Variants in UNC13C observed in about 807,000 individuals in gnomAD.
The protein encoded by UNC13C is unc-13 homolog C.
In UNC13C, 174 loss-of-function variants were observed where a neutral mutation model predicts 245.4. That is an observed-to-expected ratio of 0.71 (90% CI 0.63 to 0.80). The LOEUF (loss-of-function observed/expected upper bound fraction) is 0.80, where lower values mean the gene tolerates loss of function less well. UNC13C is among the 30% of genes least tolerant of loss of function. The probability of loss-of-function intolerance (pLI) is 0.00; values close to 1 mark genes in which losing one functional copy is unlikely to be tolerated. For synonymous variants in UNC13C, 992 were observed against 895.1 expected (o/e 1.11, Z -1.93); for missense variants, 2,829 against 2,602.9 (o/e 1.09, Z -1.89).
intron 13 of UNC13C, among the ~76,000 whole-genome samples, chr15:54,314,660 G>A (rs1373273701): frequency 6.6e-6 from 1 of 151,536 alleles, no homozygotes; most frequent in Non-Finnish European, 1.5e-5. Context: ...CAGAAACATT[G>A]GCAAAACAAA....
chr15:54,614,275 T>C (rs1900287297), intron 30 of UNC13C, among the ~76,000 whole-genome samples: 2 of 152,020 alleles, frequency 1.3e-5, no homozygotes, highest in African/African-American at 2.4e-5. Context: ...TCGTTGCTAA[T>C]ACCCACATCC....
chr15:53,996,349 G>A (rs1004563613), intron 1 of UNC13C, among the ~76,000 whole-genome samples: 8 of 152,074 alleles, frequency 5.3e-5, no homozygotes, highest in African/African-American at 1.9e-4. Context: ...AAGAGGTGAG[G>A]CCTGGTCTTT....
chr15:54,169,070 C>G (rs2033289058), intron 4 of UNC13C, among the ~76,000 whole-genome samples: 1 of 152,102 alleles, frequency 6.6e-6, no homozygotes, highest in Non-Finnish European at 1.5e-5. Flanking sequence ...GGCTAAATGG[C>G]AAGGAAACAT....
chr15:54,223,167 C>G (rs1297121658), intron 4 of UNC13C, among the ~76,000 whole-genome samples: 2 of 152,038 alleles, frequency 1.3e-5, no homozygotes, highest in African/African-American at 4.8e-5. Context: ...GAAATCTTTG[C>G]CCAGACCAAT....
rs185228459 is a variant in UNC13C at position 54,491,714 on chromosome 15, C to T, written c.4934-2894C>T. Among the ~76,000 whole-genome samples, 20 of 152,214 alleles carry T rather than the reference C, an allele frequency of 1.3e-4. No individual in the cohort carries two copies. In the East Asian group the frequency reaches 3.3e-3, roughly 25 times the overall value. ...TTATTTTCTGTTTTTAAAATTTAGGCACACCTGGCCGGGCACGGTGGCTCA... is the reference window on the plus strand; with the variant it reads ...TTATTTTCTGTTTTTAAAATTTAGGTACACCTGGCCGGGCACGGTGGCTCA... On this transcript the variant is annotated intron_variant, in intron 19 of 32. Coordinates refer to ENST00000260323, the MANE Select transcript of UNC13C (RefSeq NM_001080534.3).
chr15:54,209,165 G>T (rs1019109146), intron 4 of UNC13C, among the ~76,000 whole-genome samples: 3 of 152,138 alleles, frequency 2.0e-5, no homozygotes, highest in Non-Finnish European at 4.4e-5. Context: ...AGCACCTGAG[G>T]AGGGAGGATT....
chr15:54,556,096 C>A (rs1158650839), intron 29 of UNC13C, among the ~76,000 whole-genome samples: 1 of 151,838 alleles, frequency 6.6e-6, no homozygotes, highest in Non-Finnish European at 1.5e-5. Context: ...CAAAATGTAA[C>A]CTAGAAGTTA....
intron 29 of UNC13C, among the ~76,000 whole-genome samples, chr15:54,563,294 A>G (rs543181176): frequency 6.6e-6 from 1 of 152,026 alleles, no homozygotes; most frequent in Non-Finnish European, 1.5e-5. Context: ...TAGCAAAAAT[A>G]TCAGCCATGA....
chr15:54,258,526 G>T (rs1027626803), intron 8 of UNC13C, among the ~76,000 whole-genome samples: 4 of 151,924 alleles, frequency 2.6e-5, no homozygotes, highest in Non-Finnish European at 5.9e-5. Context: ...ACCACATCCG[G>T]CTAATTTTTT....
At chr15:54,219,414 G>C (rs2035149195) in intron 4 of UNC13C, among the ~76,000 whole-genome samples, 1 of 152,090 alleles carries the variant, frequency 6.6e-6, no homozygotes, top group Admixed American at 6.6e-5. Flanking sequence ...AGCTGAAACT[G>C]GATCCCTTTC....
chr15:54,107,404 T>C (rs1900500793), intron 2 of UNC13C, among the ~76,000 whole-genome samples: 1 of 152,172 alleles, frequency 6.6e-6, no homozygotes, highest in Non-Finnish European at 1.5e-5. Context: ...GGTTTAGTTT[T>C]TGATGCACTT....
chr15:54,161,050 T>A (rs772404365), intron 4 of UNC13C, among the ~76,000 whole-genome samples: 1 of 152,200 alleles, frequency 6.6e-6, no homozygotes, highest in Non-Finnish European at 1.5e-5. Flanking sequence ...GCTCAGTTGA[T>A]CTACAATGAG....
chr15:54,455,503 C>G (rs1891467678), intron 19 of UNC13C, among the ~76,000 whole-genome samples: 1 of 148,412 alleles, frequency 6.7e-6, no homozygotes, highest in Non-Finnish European at 1.5e-5. Context: ...TCCTTTTCAG[C>G]ACATCCACAC....
intron 2 of UNC13C, among the ~76,000 whole-genome samples, chr15:54,114,722 G>A (rs1356413620): frequency 6.6e-6 from 1 of 152,032 alleles, no homozygotes; most frequent in Non-Finnish European, 1.5e-5. Context: ...GAATTTTGGG[G>A]CAAAGAGATT....
At chr15:54,021,654 T>A (rs2141004534) in intron 2 of UNC13C, among the ~76,000 whole-genome samples, 1 of 152,332 alleles carries the variant, frequency 6.6e-6, no homozygotes, top group African/African-American at 2.4e-5. Context: ...AACATGGAAG[T>A]GCAGCTATCT....
chr15:54,172,008 GA>G, intron 4 of UNC13C, among the ~76,000 whole-genome samples: 1 of 152,204 alleles, frequency 6.6e-6, no homozygotes, highest in Non-Finnish European at 1.5e-5. Flanking sequence ...ACCAGGCACA[GA>G]AAGACTAAGT....
chr15:54,296,566 T>C (rs539432545), intron 11 of UNC13C, among the ~76,000 whole-genome samples: 20 of 152,094 alleles, frequency 1.3e-4, no homozygotes, highest in African/African-American at 4.8e-4. Context: ...TCTCAACCAG[T>C]AGGAAAATCG....
Position 54,321,937 on chromosome 15 carries a change from A to G in UNC13C, c.4269-2A>G. The G allele has an allele frequency of 6.4e-7, 1 of 1,564,158 alleles. No individual in the cohort carries two copies. Among genetic ancestry groups the G allele is most frequent in the Non-Finnish European group, 8.7e-7 (1 of 1,154,028 alleles). ...AAACACTTTATGTTTTTTGTCTTTC[A>G]GGCACTTTTCATGTCTGTCTTCTAA... On this transcript the variant is annotated splice_acceptor_variant, in intron 13 of 32. Transcript: ENST00000260323. LOFTEE classifies it high-confidence loss of function.
At chr15:54,203,664 ATTTTCT>A (rs2034600989) in intron 4 of UNC13C, among the ~76,000 whole-genome samples, 1 of 148,378 alleles carries the variant, frequency 6.7e-6, no homozygotes, top group Non-Finnish European at 1.5e-5. Context: ...TAATATATAC[ATTTTCT>A]TTATCCACTC....
Sources: gnomAD v4.1 joint callset for allele counts (sites outside exome capture counted in the v4.1 genomes callset) on GRCh38, gnomAD v4.1.1 for gene constraint, MANE v1.5 for transcripts, NCBI Gene and HGNC (gene_info 2026-07-23, HGNC 2026-07-21) for gene names.